The following MARCHF5 variants were observed in gnomAD, a reference collection of about 807,000 sequenced individuals.
The protein encoded by MARCHF5 is membrane associated ring-CH-type finger 5.
Under a neutral mutation model 36.5 loss-of-function variants are expected in MARCHF5, and 5 were observed. The ratio of observed to expected loss-of-function variants is 0.14; its 90% confidence interval spans 0.07 to 0.29. The LOEUF is 0.29. Among genes scored for constraint, MARCHF5 ranks in the 10% least tolerant of loss-of-function variants. The pLI, the probability that MARCHF5 is intolerant of heterozygous loss-of-function variation, is 1.00. For synonymous variants in MARCHF5, 103 were observed against 109.9 expected, an observed-to-expected ratio of 0.94 and a Z score of 0.39; for missense variants, 179 against 336.3, an observed-to-expected ratio of 0.53 and a Z score of 3.66.
intron 2 of MARCHF5, among the ~76,000 whole-genome samples, chr10:92,313,497 C>T (rs931688799): frequency 1.3e-5 from 2 of 151,732 alleles, no homozygotes; most frequent in African/African-American, 2.4e-5. Flanking sequence ...TCCAGCTACT[C>T]GGGAGGCTGA....
chr10:92,317,501 T>C (rs763639235), intron 2 of MARCHF5, among the ~76,000 whole-genome samples: 1 of 152,184 alleles, frequency 6.6e-6, no homozygotes, highest in Non-Finnish European at 1.5e-5. Context: ...TTTTGATACA[T>C]TGTGTAAATG....
At chr10:92,324,446 C>G (rs1843329604) in intron 2 of MARCHF5, among the ~76,000 whole-genome samples, 1 of 152,166 alleles carries the variant, frequency 6.6e-6, no homozygotes, top group Non-Finnish European at 1.5e-5. Context: ...ACTGCAAGCT[C>G]TGCCTCCTGG....
chr10:92,331,213 G>T (rs1843432162), intron 2 of MARCHF5, among the ~76,000 whole-genome samples: 1 of 152,092 alleles, frequency 6.6e-6, no homozygotes, highest in Admixed American at 6.6e-5. Context: ...TGGTGGTGGT[G>T]ACTTTTTTCA....
At chr10:92,291,565 A>T (rs1366355136) in intron 1 of MARCHF5, 36 bp downstream of exon 1, 2 of 1,516,270 alleles carry the variant, frequency 1.3e-6, no homozygotes, top group Admixed American at 4.1e-5. Context: ...GGAGCCGCCG[A>T]CCCTCGCTCT....
At chr10:92,332,180 G>A (rs1266534959) in intron 2 of MARCHF5, among the ~76,000 whole-genome samples, 3 of 151,376 alleles carry the variant, frequency 2.0e-5, no homozygotes, top group Non-Finnish European at 4.4e-5. Flanking sequence ...ACCAGCTGGG[G>A]CAACATAGCA....
chr10:92,337,918 A>T (rs1331961163), intron 2 of MARCHF5, among the ~76,000 whole-genome samples: 1 of 152,032 alleles, frequency 6.6e-6, no homozygotes, highest in Non-Finnish European at 1.5e-5. Flanking sequence ...ACATGCCTGT[A>T]ATCCTAGCAC....
intron 1 of MARCHF5, among the ~76,000 whole-genome samples, chr10:92,309,817 A>G (rs1326726805): frequency 1.3e-4 from 20 of 152,164 alleles, no homozygotes; most frequent in Admixed American, 1.2e-3. Context: ...TGCTATGTCT[A>G]TTTGACGATA....
At chr10:92,336,257 A>C (rs1425025159) in intron 2 of MARCHF5, among the ~76,000 whole-genome samples, 1 of 152,188 alleles carries the variant, frequency 6.6e-6, no homozygotes, top group African/African-American at 2.4e-5. Context: ...TGCTGGTCTC[A>C]AACTCCTGAC....
At chr10:92,343,209 C>T (rs1843599700) in intron 3 of MARCHF5, among the ~76,000 whole-genome samples, 1 of 152,164 alleles carries the variant, frequency 6.6e-6, no homozygotes, top group African/African-American at 2.4e-5. Flanking sequence ...CTTACGTCAC[C>T]TTCCCAACCT....
In MARCHF5 at chr10:92,340,663, T is replaced by C. The variant is rs1843568205; in HGVS notation, c.239-10T>C. ...GTGTTGAACCTTTACTTCTTTTCTGTGTGTTATAGGTCCAGTGGTTTACGT... is the reference window on the plus strand; with the variant it reads ...GTGTTGAACCTTTACTTCTTTTCTGCGTGTTATAGGTCCAGTGGTTTACGT... On this transcript the variant is annotated splice_polypyrimidine_tract_variant and intron_variant, in intron 2 of 5. Transcript: ENST00000358935. 1.9e-6 allele frequency: 3 copies of C among 1,587,382 alleles called. No homozygotes were observed. The East Asian group carries it at 6.8e-5, about 36-fold the overall frequency.
At position 92,353,548 on chromosome 10, in the gene MARCHF5, T is replaced by C. The variant is rs1843743819; in HGVS notation, c.*2341T>C. On this transcript the variant is annotated 3_prime_UTR_variant, in exon 6 of 6. Transcript: ENST00000358935. ...CAGTAGTTGTTTCTTAATTGCTAAG[T>C]AATCTGTTTGCACTCTAGGAAAAGT... is the stretch of plus-strand genomic sequence containing the variant. The C allele has an allele frequency of 6.6e-6, 1 of 152,234 alleles. No homozygotes were observed. The allele number at this position is 152,234 out of a possible 1,614,324, so 9.4% of individuals were successfully genotyped here. A position where few individuals can be genotyped will look rare whatever the true frequency, so the allele number is the denominator to read the frequency against.
chr10:92,296,416 T>A (rs964625307), intron 1 of MARCHF5, among the ~76,000 whole-genome samples: 4 of 152,178 alleles, frequency 2.6e-5, no homozygotes, highest in Non-Finnish European at 5.9e-5. Flanking sequence ...CTTCTGTCTT[T>A]CATTGCTTCA....
At chr10:92,301,526 G>T (rs1459127843) in intron 1 of MARCHF5, among the ~76,000 whole-genome samples, 1 of 152,196 alleles carries the variant, frequency 6.6e-6, no homozygotes, top group Non-Finnish European at 1.5e-5. Flanking sequence ...TTTGGTTCTT[G>T]TTTAAGATGG....
intron 1 of MARCHF5, among the ~76,000 whole-genome samples, chr10:92,302,448 C>T (rs76028725): frequency 2.0e-4 from 25 of 124,178 alleles, no homozygotes; most frequent in Non-Finnish European, 2.6e-4. Context: ...CTTTTTTTTT[C>T]TTTTTTTTTT....
intron 2 of MARCHF5, among the ~76,000 whole-genome samples, chr10:92,317,507 A>T (rs1234171804): frequency 1.3e-5 from 2 of 152,072 alleles, no homozygotes; most frequent in Non-Finnish European, 2.9e-5. Flanking sequence ...TACATTGTGT[A>T]AATGGAATTG....
intron 2 of MARCHF5, among the ~76,000 whole-genome samples, chr10:92,318,802 G>A (rs1014840306): frequency 1.3e-5 from 2 of 151,898 alleles, no homozygotes; most frequent in Non-Finnish European, 2.9e-5. Context: ...GCAGAGGTTG[G>A]TACACGTGAT....
At chr10:92,318,685 G>A (rs1208554033) in intron 2 of MARCHF5, among the ~76,000 whole-genome samples, 1 of 151,788 alleles carries the variant, frequency 6.6e-6, no homozygotes, top group Non-Finnish European at 1.5e-5. Context: ...TGTTCTTAGG[G>A]GGAAATCATC....
intron 1 of MARCHF5, among the ~76,000 whole-genome samples, chr10:92,295,467 G>A (rs1014137002): frequency 3.4e-5 from 5 of 149,012 alleles, no homozygotes; most frequent in African/African-American, 1.2e-4. Context: ...GAGTGCAGTG[G>A]CGCAATCTTG....
At position 92,291,544 on chromosome 10, in the gene MARCHF5, G is replaced by C. The variant is rs548584046; in HGVS notation, c.35+15G>C. On this transcript the variant is annotated intron_variant, in intron 1 of 5. Transcript: ENST00000358935. ...ATGCTGGACAGGTACGGGCAGCTGT[G>C]GGGGGGACCGGGAGCCGCCGACCCT... The C allele has an allele frequency of 5.2e-5, 80 of 1,530,822 alleles. No homozygotes were observed. The highest frequency in any genetic ancestry group is 8.1e-5 in the Admixed American group (4 of 49,266). 94.8% of individuals were successfully genotyped at this position (1,530,822 alleles called of 1,614,324 possible). A position where few individuals can be genotyped will look rare whatever the true frequency, so the allele number is the denominator to read the frequency against.
Sources: gnomAD v4.1 joint callset for allele counts (sites outside exome capture counted in the v4.1 genomes callset) on GRCh38, gnomAD v4.1.1 for gene constraint, MANE v1.5 for transcripts, NCBI Gene and HGNC (gene_info 2026-07-23, HGNC 2026-07-21) for gene names.